The following FSTL4 variants were observed in gnomAD, a reference collection of about 807,000 sequenced individuals.
FSTL4 encodes follistatin like 4, also known as follistatin-related protein 4.
A neutral mutation model predicts 78.2 loss-of-function variants in FSTL4; 28 were observed. That is an observed-to-expected ratio of 0.36 (90% CI 0.27 to 0.49). The LOEUF is 0.49. Among genes scored for constraint, FSTL4 ranks in the 20% least tolerant of loss-of-function variants. The probability of loss-of-function intolerance (pLI) is 0.98; values close to 1 mark genes in which losing one functional copy is unlikely to be tolerated. For synonymous variants in FSTL4, 422 were observed against 440.5 expected (o/e 0.96, Z 0.53); for missense variants, 922 against 1,084.9 (o/e 0.85, Z 2.11).
intron 4 of FSTL4, among the ~76,000 whole-genome samples, chr5:133,363,161 G>T (rs933128414): frequency 9.2e-5 from 14 of 151,850 alleles, no homozygotes; most frequent in Non-Finnish European, 1.9e-4. Flanking sequence ...TGAATAATCT[G>T]CATACTTCAC....
At chr5:133,463,179 G>T (rs1447954506) in intron 3 of FSTL4, among the ~76,000 whole-genome samples, 2 of 152,172 alleles carry the variant, frequency 1.3e-5, no homozygotes, top group African/African-American at 4.8e-5. Context: ...ATGAGTACCT[G>T]GTGACAGAGA....
intron 1 of FSTL4, among the ~76,000 whole-genome samples, chr5:133,604,466 T>C (rs1345025172): frequency 6.6e-6 from 1 of 152,162 alleles, no homozygotes; most frequent in Non-Finnish European, 1.5e-5. Flanking sequence ...CCCAGCACTT[T>C]GGTAGGCGGA....
the FSTL4 span, among the ~76,000 whole-genome samples, chr5:133,761,123 C>T: frequency 6.6e-6 from 1 of 152,210 alleles, no homozygotes; most frequent in African/African-American, 2.4e-5. Flanking sequence ...TGAAGTTTCT[C>T]ATTTTGTTCT....
chr5:133,403,782 C>G (rs932975153), intron 3 of FSTL4, among the ~76,000 whole-genome samples: 2 of 152,258 alleles, frequency 1.3e-5, no homozygotes, highest in African/African-American at 4.8e-5. Flanking sequence ...CAGAGACCAC[C>G]TACTCCATCC....
chr5:133,636,241 G>T, the FSTL4 span, among the ~76,000 whole-genome samples: 1 of 152,218 alleles, frequency 6.6e-6, no homozygotes, highest in East Asian at 1.9e-4. Flanking sequence ...GGAGTTTATA[G>T]TCTGGCAGGG....
the FSTL4 span, among the ~76,000 whole-genome samples, chr5:133,742,075 T>C: frequency 6.6e-6 from 1 of 152,256 alleles, no homozygotes; most frequent in South Asian, 2.1e-4. Flanking sequence ...ATGGCTTTCT[T>C]GCATGGGGTC....
At chr5:133,610,205 C>A (rs975278581) in intron 1 of FSTL4, among the ~76,000 whole-genome samples, 28 of 152,288 alleles carry the variant, frequency 1.8e-4, no homozygotes, top group African/African-American at 6.0e-4. Flanking sequence ...CCCTCACCCA[C>A]CTCCAGGGCA....
At chr5:133,675,309 T>C in the FSTL4 span, among the ~76,000 whole-genome samples, 56 of 152,326 alleles carry the variant, frequency 3.7e-4, no homozygotes, top group African/African-American at 9.4e-4. Context: ...TGTTTTTAAA[T>C]TGACATTTTA....
the FSTL4 span, among the ~76,000 whole-genome samples, chr5:133,676,857 C>T: frequency 3.3e-4 from 50 of 152,298 alleles, no homozygotes; most frequent in Non-Finnish European, 5.3e-4. Context: ...TTGTCTAATT[C>T]TGTATTCTGT....
chr5:133,456,850 C>T (rs1179830710), intron 3 of FSTL4, among the ~76,000 whole-genome samples: 1 of 152,166 alleles, frequency 6.6e-6, no homozygotes, highest in Non-Finnish European at 1.5e-5. Context: ...GAGCTGGGAG[C>T]ACACACAGCC....
chr5:133,283,551 C>A (rs1272392749), intron 6 of FSTL4, among the ~76,000 whole-genome samples: 1 of 152,170 alleles, frequency 6.6e-6, no homozygotes, highest in Non-Finnish European at 1.5e-5. Flanking sequence ...GCATTCCTTC[C>A]TATACAGACC....
the FSTL4 span, among the ~76,000 whole-genome samples, chr5:133,769,506 C>T: frequency 2.0e-5 from 3 of 152,280 alleles, no homozygotes; most frequent in East Asian, 5.8e-4. Flanking sequence ...GGTCTGGTTA[C>T]CCCTGCCCCA....
intron 3 of FSTL4, among the ~76,000 whole-genome samples, chr5:133,548,316 T>C (rs1011815792): frequency 5.9e-5 from 9 of 152,132 alleles, no homozygotes; most frequent in Non-Finnish European, 7.4e-5. Context: ...TGGTTAGCGT[T>C]TGAAGTGAGA....
At chr5:133,423,319 C>T (rs1475542765) in intron 3 of FSTL4, among the ~76,000 whole-genome samples, 1 of 152,204 alleles carries the variant, frequency 6.6e-6, no homozygotes, top group Non-Finnish European at 1.5e-5. Flanking sequence ...TAAATGCATC[C>T]AGGCGGTACC....
chr5:133,300,218 A>G (rs1339796657), intron 6 of FSTL4, among the ~76,000 whole-genome samples: 2 of 152,156 alleles, frequency 1.3e-5, no homozygotes, highest in Non-Finnish European at 2.9e-5. Context: ...ACTAGGGGAC[A>G]TGAGGAAGGA....
intron 3 of FSTL4, among the ~76,000 whole-genome samples, chr5:133,558,573 G>A (rs26364): frequency 0.07 from 10,613 of 152,106 alleles, 487 homozygotes; most frequent in Non-Finnish European, 0.097. Flanking sequence ...TGGGACACAC[G>A]CTCCCTGACT....
intron 4 of FSTL4, among the ~76,000 whole-genome samples, chr5:133,322,697 T>G (rs1754100797): frequency 6.6e-6 from 1 of 152,202 alleles, no homozygotes; most frequent in Non-Finnish European, 1.5e-5. Flanking sequence ...AGGTTGCTCT[T>G]GGAGGAATTC....
chr5:133,473,671 C>G (rs547410273), intron 3 of FSTL4, among the ~76,000 whole-genome samples: 12 of 152,336 alleles, frequency 7.9e-5, no homozygotes, highest in African/African-American at 2.6e-4. Context: ...AGGTATTAGT[C>G]TGTTCTCATG....
In FSTL4 at chr5:133,453,687, C is replaced by T. The variant is rs147978646; in HGVS notation, c.161-52701G>A. 2.3e-3 allele frequency among the ~76,000 whole-genome samples: 343 copies of T among 152,300 alleles called. 3 individuals are homozygous for T. Among genetic ancestry groups the T allele is most frequent in the African/African-American group, 7.6e-3 (314 of 41,566 alleles). The stretch of plus-strand genomic sequence containing the variant: ...GGGTCTGTGGCTGGGAGCCACAGCA[C>T]GCCCCAAGCAAGGGCACTGATCCCC... On this transcript the variant is annotated intron_variant, in intron 3 of 15. Coordinates refer to ENST00000265342, the MANE Select transcript of FSTL4 (RefSeq NM_015082.2).
Sources: allele counts gnomAD v4.1 joint callset (sites outside exome capture counted in the v4.1 genomes callset), GRCh38; gene constraint gnomAD v4.1.1; transcripts MANE v1.5; gene names NCBI Gene and HGNC (gene_info 2026-07-23, HGNC 2026-07-21).